Variants in ADA observed in about 807,000 individuals in gnomAD.
The protein encoded by ADA is adenosine aminohydrolase.
A neutral mutation model predicts 49.0 loss-of-function variants in ADA; 45 were observed. The ratio of observed to expected loss-of-function variants is 0.92; its 90% CI spans 0.72 to 1.18. The LOEUF (loss-of-function observed/expected upper bound fraction) is 1.18. Ranked by LOEUF, ADA falls within the 50% of genes most tolerant of loss-of-function variation. The pLI, the probability that ADA is intolerant of heterozygous loss-of-function variation, is 0.00. For missense variants in ADA, 445 were observed against 472.5 expected (o/e 0.94, Z 0.54); for synonymous variants, 173 against 184.2 (o/e 0.94, Z 0.49).
At chr20:44,621,229 T>C (rs2065328986) in intron 9 of ADA, 82 bp from the exon 10 acceptor site, 2 of 1,569,996 alleles carry the variant, frequency 1.3e-6, no homozygotes, top group Admixed American at 3.4e-5. Flanking sequence ...TCACCCGCCT[T>C]TGATCCTCAC....
intron 5 of ADA, 148 bp downstream of exon 5, chr20:44,625,421 T>C (rs763701110): frequency 2.9e-5 from 21 of 729,918 alleles, no homozygotes; most frequent in Non-Finnish European, 4.7e-5. Flanking sequence ...AGTTGTTTCA[T>C]GAAGCCCCAA....
chr20:44,619,888 G>T (rs760012435), intron 11 of ADA, 41 bp from the exon 12 acceptor site: 2 of 1,613,850 alleles, frequency 1.2e-6, no homozygotes, highest in South Asian at 2.2e-5. Flanking sequence ...CAGGCAACTT[G>T]TAGTACCCAG....
chr20:44,621,305 G>A (rs1278046459), intron 9 of ADA, among the ~76,000 whole-genome samples, 158 bp from the exon 10 acceptor site: 1 of 152,202 alleles, frequency 6.6e-6, no homozygotes, highest in Non-Finnish European at 1.5e-5. Context: ...TCAGAACTTA[G>A]GTGACTTGTT....
intron 1 of ADA, among the ~76,000 whole-genome samples, chr20:44,639,849 G>A (rs1206334997): frequency 6.6e-6 from 1 of 152,120 alleles, no homozygotes; most frequent in African/African-American, 2.4e-5. Context: ...TGGGCTTGAA[G>A]GAGCTCACCT....
Position 44,619,696 on chromosome 20 carries a change from G to A in ADA, c.*138C>T. The A allele has an allele frequency of 6.0e-6, 7 of 1,161,024 alleles. No individual in the cohort carries two copies. In the South Asian group the frequency reaches 8.8e-5, roughly 15 times the overall value. The allele number at this position is 1,161,024 out of a possible 1,614,324, so 71.9% of individuals were successfully genotyped here. ...CCGAGGTATACGTGTGTGCAGAAAT[G>A]GACACATAGGGTTCAGGAGCATCAG... On this transcript the variant is annotated 3_prime_UTR_variant, in exon 12 of 12. Coordinates refer to ENST00000372874, the MANE Select transcript of ADA (RefSeq NM_000022.4).
chr20:44,620,193 T>G, intron 11 of ADA, 106 bp downstream of exon 11: 1 of 1,029,360 alleles, frequency 9.7e-7, no homozygotes, highest in South Asian at 1.3e-5. Context: ...CATCACACAT[T>G]CATGGCGCTG....
chr20:44,623,539 A>G (rs2065352348), intron 6 of ADA, among the ~76,000 whole-genome samples: 1 of 152,160 alleles, frequency 6.6e-6, no homozygotes, highest in Non-Finnish European at 1.5e-5. Flanking sequence ...CCAATAGAAG[A>G]AACAGAGGCC....
chr20:44,642,121 C>T (rs2065541592), intron 1 of ADA, among the ~76,000 whole-genome samples: 1 of 152,196 alleles, frequency 6.6e-6, no homozygotes, highest in Non-Finnish European at 1.5e-5. Context: ...CTCTGCTTTA[C>T]TCTGGCACAA....
chr20:44,649,683 C>T (rs1012317646), intron 1 of ADA, among the ~76,000 whole-genome samples: 1 of 151,212 alleles, frequency 6.6e-6, no homozygotes, highest in Non-Finnish European at 1.5e-5. Context: ...TAGAAGTGGG[C>T]CCTGCTGTTC....
chr20:44,634,481 C>A (rs1252000649), intron 2 of ADA, among the ~76,000 whole-genome samples: 1 of 152,256 alleles, frequency 6.6e-6, no homozygotes, highest in Admixed American at 6.5e-5. Flanking sequence ...AACCTCCGCC[C>A]TGTGCTTACT....
chr20:44,640,865 C>T (rs1182928952), intron 1 of ADA, among the ~76,000 whole-genome samples: 6 of 151,870 alleles, frequency 4.0e-5, no homozygotes, highest in Non-Finnish European at 8.8e-5. Flanking sequence ...TGGAATGATG[C>T]AGCCACAAGC....
chr20:44,620,175 C>T lies in ADA; in HGVS notation c.1078+124G>A, dbSNP rs1301112395. 8.7e-6 allele frequency: 8 copies of T among 923,002 alleles called. No individual in the cohort carries two copies. The Admixed American group carries it at 8.8e-5, about 10-fold the overall frequency. 57.2% of individuals were successfully genotyped at this position (923,002 alleles called of 1,614,324 possible). ...CTGCTCCCAGCCAGGGCCCAGAAAC[C>T]AGGGAGTCATCACACATTCATGGCG... On this transcript the variant is annotated intron_variant, in intron 11 of 11. Coordinates refer to ENST00000372874, the MANE Select transcript of ADA (RefSeq NM_000022.4).
chr20:44,625,542 C>G lies in ADA; in HGVS notation c.478+27G>C, dbSNP rs768474992. 1.1e-5 allele frequency: 17 copies of G among 1,554,814 alleles called. No individual in the cohort carries two copies. The African/African-American group carries it at 2.2e-4, about 20-fold the overall frequency. ...TCAGGGCCAGGGTGAGACGGGCGGC[C>G]CTGGGCAGGGCGGTGATCCTACTCA... On this transcript the variant is annotated intron_variant, in intron 5 of 11. Transcript: ENST00000372874.
At chr20:44,624,470 T>A (rs1213554909) in intron 5 of ADA, 141 bp from the exon 6 acceptor site, 2 of 1,155,704 alleles carry the variant, frequency 1.7e-6, no homozygotes, top group East Asian at 2.4e-5. Context: ...CTAACTGCTA[T>A]GTCCTAACCA....
Position 44,621,129 on chromosome 20 carries a change from A to C in ADA, c.864T>G (p.Ala288=), listed in dbSNP as rs146614184. The change falls in exon 10 of 12, where the codon GCT becomes GCG. Residue 288 remains alanine (A), a synonymous_variant. Transcript: ENST00000372874. Reference sequence around the variant, plus strand: ...GGTCATCTGTGTTGAGCGAGTAGTTAGCCTGGTCATTTTTGAGCCTGCAGA... The same window carrying C: ...GGTCATCTGTGTTGAGCGAGTAGTTCGCCTGGTCATTTTTGAGCCTGCAGA... ...HAVIRLKNDQ[A]NYSLNTDDPL... is the part of the protein sequence containing the mutation. The C allele has an allele frequency of 2.0e-5, 32 of 1,614,138 alleles. No homozygotes were observed. The African/African-American group carries it at 4.0e-4, about 20-fold the overall frequency.
chr20:44,632,075 C>T (rs1252098517), intron 2 of ADA, among the ~76,000 whole-genome samples: 2 of 152,196 alleles, frequency 1.3e-5, no homozygotes, highest in Non-Finnish European at 2.9e-5. Flanking sequence ...TCCAGCCTCC[C>T]TCCTCAACAA....
chr20:44,631,778 C>G (rs952485479), intron 2 of ADA, among the ~76,000 whole-genome samples: 2 of 152,190 alleles, frequency 1.3e-5, no homozygotes, highest in Admixed American at 6.5e-5. Context: ...TTCTAATTCT[C>G]TATGCCCATA....
intron 9 of ADA, among the ~76,000 whole-genome samples, chr20:44,621,614 G>C (rs532502198): frequency 6.6e-6 from 1 of 152,262 alleles, no homozygotes; most frequent in South Asian, 2.1e-4. Flanking sequence ...ATCTTTCCTA[G>C]CTCTGACCAT....
chr20:44,622,803 T>A (rs748062599), intron 8 of ADA, 26 bp downstream of exon 8: 2 of 1,614,146 alleles, frequency 1.2e-6, no homozygotes. Context: ...CGGGGATGGT[T>A]CCTCCCCACT....
Sources: allele counts gnomAD v4.1 joint callset (sites outside exome capture counted in the v4.1 genomes callset), GRCh38; gene constraint gnomAD v4.1.1; transcripts MANE v1.5; gene names NCBI Gene and HGNC (gene_info 2026-07-23, HGNC 2026-07-21).